The following RGL1 variants were observed in gnomAD, a reference collection of about 807,000 sequenced individuals.
RGL1 encodes the protein ral guanine nucleotide dissociation stimulator like 1, also known as ral guanine nucleotide dissociation stimulator-like 1.
RGL1 carries 24 observed loss-of-function variants against 95.2 expected under a neutral mutation model. The observed-to-expected ratio is 0.25, with a 90% CI of 0.18 to 0.35. RGL1 has a LOEUF of 0.35. Among genes scored for constraint, RGL1 ranks in the 10% least tolerant of loss-of-function variants. RGL1 has a pLI of 1.00. For synonymous variants in RGL1, 329 were observed against 344.9 expected (o/e 0.95, Z 0.51); for missense variants, 715 against 936.3 (o/e 0.76, Z 3.08).
intron 2 of RGL1, among the ~76,000 whole-genome samples, chr1:183,783,676 A>G (rs1165994288): frequency 6.6e-6 from 1 of 152,206 alleles, no homozygotes; most frequent in Non-Finnish European, 1.5e-5. Flanking sequence ...CTTATTCCCA[A>G]GATATTTATA....
chr1:183,813,833 A>C (rs1661892509), intron 2 of RGL1, among the ~76,000 whole-genome samples: 1 of 152,208 alleles, frequency 6.6e-6, no homozygotes, highest in Non-Finnish European at 1.5e-5. Context: ...AAATTTCAGT[A>C]AGATAGAATG....
intron 2 of RGL1, among the ~76,000 whole-genome samples, chr1:183,798,248 T>G (rs1418731706): frequency 6.6e-6 from 1 of 152,180 alleles, no homozygotes; most frequent in Non-Finnish European, 1.5e-5. Flanking sequence ...CATAGGACAT[T>G]ATAGTGCAGC....
intron 1 of RGL1, among the ~76,000 whole-genome samples, chr1:183,699,886 G>A (rs1352656789): frequency 1.3e-5 from 2 of 152,048 alleles, no homozygotes; most frequent in South Asian, 2.1e-4. Flanking sequence ...AGACTTCCTC[G>A]AAGCTTATGA....
chr1:183,662,950 A>G (rs1210799416), intron 1 of RGL1, among the ~76,000 whole-genome samples: 1 of 152,186 alleles, frequency 6.6e-6, no homozygotes, highest in African/African-American at 2.4e-5. Flanking sequence ...TGAGAAAAAT[A>G]AGCAATGGGG....
intron 1 of RGL1, among the ~76,000 whole-genome samples, chr1:183,722,205 G>C (rs1226195872): frequency 6.8e-6 from 1 of 146,422 alleles, no homozygotes; most frequent in Non-Finnish European, 1.5e-5. Context: ...AGAAGAAGGA[G>C]AGAACACTTA....
chr1:183,669,178 G>A (rs1004396460), intron 1 of RGL1, among the ~76,000 whole-genome samples: 1 of 151,910 alleles, frequency 6.6e-6, no homozygotes, highest in Non-Finnish European at 1.5e-5. Flanking sequence ...TCATGACCTC[G>A]TGATCCACCT....
At chr1:183,840,397 G>A (rs181579530) in intron 2 of RGL1, among the ~76,000 whole-genome samples, 152 of 152,252 alleles carry the variant, frequency 1.0e-3, no homozygotes, top group African/African-American at 3.4e-3. Context: ...GCAGGAAAAG[G>A]TCAGAGAATT....
At chr1:183,900,919 C>T (rs1667979352) in intron 11 of RGL1, among the ~76,000 whole-genome samples, 1 of 151,530 alleles carries the variant, frequency 6.6e-6, no homozygotes, top group Admixed American at 6.6e-5. Flanking sequence ...AATCCCAGCA[C>T]TTTAAGAGGT....
chr1:183,740,899 T>G (rs1351150291), intron 1 of RGL1, among the ~76,000 whole-genome samples: 1 of 152,208 alleles, frequency 6.6e-6, no homozygotes, highest in Non-Finnish European at 1.5e-5. Context: ...TCAAGATGCT[T>G]ATAAGACTAG....
intron 1 of RGL1, among the ~76,000 whole-genome samples, chr1:183,712,668 T>C (rs1655357543): frequency 6.6e-6 from 1 of 152,174 alleles, no homozygotes; most frequent in South Asian, 2.1e-4. Context: ...ACATGGTAAG[T>C]CATATGATAA....
chr1:183,876,809 G>A (rs1666523983), intron 4 of RGL1, among the ~76,000 whole-genome samples: 1 of 152,212 alleles, frequency 6.6e-6, no homozygotes, highest in Admixed American at 6.5e-5. Context: ...CTTGTATTCT[G>A]TGTCATTCTT....
chr1:183,639,558 T>A (rs1032585888), intron 1 of RGL1, among the ~76,000 whole-genome samples: 14 of 152,152 alleles, frequency 9.2e-5, no homozygotes, highest in African/African-American at 3.1e-4. Context: ...GGTTCTGTGT[T>A]AAACTTTAAA....
At chr1:183,837,594 T>G (rs34746625) in intron 2 of RGL1, among the ~76,000 whole-genome samples, 23,947 of 152,130 alleles carry the variant, frequency 0.16, 2,268 homozygotes, top group East Asian at 0.29. Context: ...CAAAATTGCA[T>G]TGATGTATTC....
At chr1:183,772,999 G>C (rs945869153) in intron 2 of RGL1, among the ~76,000 whole-genome samples, 40 of 123,010 alleles carry the variant, frequency 3.3e-4, no homozygotes, top group Non-Finnish European at 1.8e-4. Context: ...CTGGGCGACA[G>C]AGCAAGACTC....
chr1:183,720,800 CG>C (rs1655975682), intron 1 of RGL1, among the ~76,000 whole-genome samples: 1 of 151,938 alleles, frequency 6.6e-6, no homozygotes, highest in Non-Finnish European at 1.5e-5. Flanking sequence ...TTGGAAGCTG[CG>C]GCATAGGAAA....
chr1:183,908,160 G>A (rs952430456), intron 14 of RGL1, among the ~76,000 whole-genome samples: 7 of 152,130 alleles, frequency 4.6e-5, no homozygotes, highest in Non-Finnish European at 7.4e-5. Context: ...TCTTTTTGAG[G>A]ATTTGGGGGG....
intron 7 of RGL1, among the ~76,000 whole-genome samples, chr1:183,886,216 G>A (rs970847062): frequency 6.6e-6 from 1 of 152,140 alleles, no homozygotes; most frequent in Non-Finnish European, 1.5e-5. Flanking sequence ...CAGGTGGTCT[G>A]TTATTACAGA....
At position 183,925,001 on chromosome 1, in the gene RGL1, TAAATA is replaced by T. The variant is rs1217964440; in HGVS notation, c.2120-1095_2120-1091del. 8.6e-5 allele frequency among the ~76,000 whole-genome samples: 13 copies of T among 152,010 alleles called. No individual in the cohort carries two copies. In the East Asian group the frequency reaches 9.7e-4, roughly 11 times the overall value. ...AATAATAATAAATAAATAACTTAAATAAATAAAATAAAACTGAGTCAAAATAACTT... is the reference window on the plus strand; with the variant it reads ...AATAATAATAAATAAATAACTTAAATAAATAAAACTGAGTCAAAATAACTT... On this transcript the variant is annotated intron_variant, in intron 17 of 17. Transcript: ENST00000360851.
intron 9 of RGL1, among the ~76,000 whole-genome samples, chr1:183,895,032 A>T (rs968183297): frequency 1.3e-5 from 2 of 152,214 alleles, no homozygotes; most frequent in Admixed American, 1.3e-4. Context: ...CTTGGTTCTC[A>T]TGATTCTTGG....
Sources: allele counts gnomAD v4.1 joint callset (sites outside exome capture counted in the v4.1 genomes callset), GRCh38; gene constraint gnomAD v4.1.1; transcripts MANE v1.5; gene names NCBI Gene and HGNC (gene_info 2026-07-23, HGNC 2026-07-21).